ACTR8: variants seen among roughly 807,000 people sequenced by gnomAD.
The protein encoded by ACTR8 is actin-related protein 8.
In ACTR8, 70 loss-of-function variants were observed where a neutral mutation model predicts 84.3. That is an observed-to-expected ratio of 0.83 (90% CI 0.68 to 1.01). ACTR8 has a LOEUF of 1.01. ACTR8 is among the 50% of genes least tolerant of loss of function. The pLI is 0.00. For missense variants in ACTR8, 672 were observed against 775.4 expected (o/e 0.87, Z 1.58); for synonymous variants, 268 against 275.2 (o/e 0.97, Z 0.26).
At chr3:53,860,704 A>G in the ACTR8 span, 1 of 152,236 alleles carries the variant, frequency 6.6e-6, no homozygotes, top group African/African-American at 2.4e-5. Context: ...AATTTTTTGG[A>G]GATTTGTATC....
chr3:53,860,710 G>C, the ACTR8 span: 1 of 151,962 alleles, frequency 6.6e-6, no homozygotes, highest in Non-Finnish European at 1.5e-5. Context: ...TTGGAGATTT[G>C]TATCACTTTG....
downstream of ACTR8, among the ~76,000 whole-genome samples, chr3:53,866,321 G>C (rs1699776552): frequency 6.6e-6 from 1 of 152,132 alleles, no homozygotes; most frequent in Non-Finnish European, 1.5e-5. Flanking sequence ...GAGGTCAAGG[G>C]TGCAGTAAAC....
intron 1 of ACTR8, chr3:53,881,687 G>A (rs1002874534): frequency 2.0e-6 from 1 of 511,334 alleles, no homozygotes; most frequent in Non-Finnish European, 3.5e-6. Context: ...TATGGTCGGG[G>A]AAGCTGAGGC....
chr3:53,876,229 A>G, intron 6 of ACTR8, 149 bp from the exon 7 acceptor site: 1 of 1,063,020 alleles, frequency 9.4e-7, no homozygotes. Context: ...CATTTAAATA[A>G]GTCAGTAGGC....
chr3:53,876,600 C>A lies in ACTR8; in HGVS notation c.778+20G>T. 7.4e-7 allele frequency: 1 copy of A among 1,345,622 alleles called. No individual in the cohort carries two copies. The highest frequency in any genetic ancestry group is 1.2e-5 in the South Asian group (1 of 80,690). 83.4% of individuals were successfully genotyped at this position (1,345,622 alleles called of 1,614,324 possible). A position where few individuals can be genotyped will look rare whatever the true frequency, so the allele number is the denominator to read the frequency against. On this transcript the variant is annotated intron_variant, in intron 6 of 12. Transcript: ENST00000335754. The stretch of plus-strand genomic sequence containing the variant: ...AGAAAATTCCATTTAAAATAGGTTT[C>A]ACTGGGATATCAGACATACCTGAAA...
At chr3:53,860,369 C>G in the ACTR8 span, 1 of 566,374 alleles carries the variant, frequency 1.8e-6, no homozygotes, top group Non-Finnish European at 3.1e-6. Context: ...TTCAAGTGCT[C>G]CTACAGAGAC....
At chr3:53,872,286 G>T in intron 10 of ACTR8, 98 bp downstream of exon 10, 1 of 1,281,136 alleles carries the variant, frequency 7.8e-7, no homozygotes, top group Non-Finnish European at 1.0e-6. Flanking sequence ...GTGTTATTAT[G>T]CTGGAAGATA....
intron 1 of ACTR8, 52 bp from the exon 2 acceptor site, chr3:53,880,161 A>C (rs775410702): frequency 1.3e-6 from 2 of 1,544,408 alleles, no homozygotes; most frequent in Admixed American, 3.4e-5. Context: ...TGCAGGTAAC[A>C]AAGTTAAACA....
downstream of ACTR8, among the ~76,000 whole-genome samples, chr3:53,863,296 A>G (rs976191062): frequency 2.6e-5 from 4 of 151,896 alleles, no homozygotes; most frequent in Admixed American, 2.0e-4. Context: ...TGTGTTGTTC[A>G]AGGGTCAGCT....
chr3:53,863,343 A>T (rs932208968), downstream of ACTR8, among the ~76,000 whole-genome samples: 1 of 152,200 alleles, frequency 6.6e-6, no homozygotes, highest in African/African-American at 2.4e-5. Context: ...CAAAACATGG[A>T]GTATTTGAAT....
At chr3:53,872,618 A>G in intron 9 of ACTR8, 94 bp from the exon 10 acceptor site, 1 of 1,398,250 alleles carries the variant, frequency 7.2e-7, no homozygotes, top group Non-Finnish European at 9.6e-7. Flanking sequence ...CAAAACTGGC[A>G]GATCAGATTC....
At chr3:53,869,891 C>T in intron 12 of ACTR8, 91 bp downstream of exon 12, 1 of 1,485,114 alleles carries the variant, frequency 6.7e-7, no homozygotes. Context: ...ACTCCTCAGA[C>T]ACAAGCCCAT....
chr3:53,862,384 T>G (rs1699594607), downstream of ACTR8, among the ~76,000 whole-genome samples: 2 of 152,198 alleles, frequency 1.3e-5, no homozygotes, highest in Non-Finnish European at 2.9e-5. Flanking sequence ...ATTACATCAC[T>G]GAAGATGCCA....
In ACTR8 at chr3:53,876,708, A is replaced by AT; in HGVS notation, c.689dup (p.Tyr230Ter). 1 of 1,464,880 alleles carries AT rather than the reference A, an allele frequency of 6.8e-7. No individual in the cohort carries two copies. The highest frequency in any genetic ancestry group is 9.4e-7 in the Non-Finnish European group (1 of 1,062,308). 90.7% of individuals were successfully genotyped at this position (1,464,880 alleles called of 1,614,324 possible). A position where few individuals can be genotyped will look rare whatever the true frequency, so the allele number is the denominator to read the frequency against. ...LEIPLKDLKY[Y>*]RCILLIPDIY... ...TATCAGGAATTAACAAGATACATCT[A>AT]TAATACTAAAAAGAAGAACAAAGAT... Residue 230 changes from tyrosine (Y) to a stop codon, truncating the protein, a stop_gained and frameshift_variant, in exon 6 of 13, where the codon TAT becomes TAAT. Coordinates refer to ENST00000335754, the MANE Select transcript of ACTR8 (RefSeq NM_022899.5). LOFTEE classifies it high-confidence loss of function.
chr3:53,872,345 GACAAAACTCTCTCTTCTCCT>G lies in ACTR8; in HGVS notation c.1302+19_1302+38del. The stretch of plus-strand genomic sequence containing the variant: ...ACTCTGGACAAATTTCTCCTTCAGG[GACAAAACTCTCTCTTCTCCT>G]ACCAGAATTGCTACGGACCTGTTCT... On this transcript the variant is annotated intron_variant, in intron 10 of 12. Coordinates refer to ENST00000335754, the MANE Select transcript of ACTR8 (RefSeq NM_022899.5). 1 of 1,520,254 alleles carries G rather than the reference GACAAAACTCTCTCTTCTCCT, an allele frequency of 6.6e-7. No homozygotes were observed. Among genetic ancestry groups the G allele is most frequent in the Non-Finnish European group, 8.8e-7 (1 of 1,134,814 alleles). 94.2% of individuals were successfully genotyped at this position (1,520,254 alleles called of 1,614,324 possible).
At chr3:53,876,548 A>C in intron 6 of ACTR8, 72 bp downstream of exon 6, 1 of 870,380 alleles carries the variant, frequency 1.1e-6, no homozygotes, top group Admixed American at 2.4e-5. Context: ...TAAGTCAGTA[A>C]ATAAGATTAA....
At chr3:53,866,609 G>T (rs1699788504), downstream of ACTR8, among the ~76,000 whole-genome samples, 1 of 151,706 alleles carries the variant, frequency 6.6e-6, no homozygotes, top group Admixed American at 6.6e-5. Context: ...AGCCTCCTGA[G>T]TAGCTGGGAC....
intron 3 of ACTR8, 74 bp downstream of exon 3, chr3:53,878,283 T>C (rs1334700029): frequency 9.9e-6 from 11 of 1,116,120 alleles, no homozygotes; most frequent in African/African-American, 3.1e-5. Flanking sequence ...CATAGTGGTA[T>C]AGGAAGAACA....
chr3:53,879,888 C>A, intron 2 of ACTR8, 51 bp downstream of exon 2: 1 of 1,509,554 alleles, frequency 6.6e-7, no homozygotes, highest in Non-Finnish European at 9.0e-7. Flanking sequence ...GTGTCTAAGC[C>A]CTCCCAGGGA....
Sources: gnomAD v4.1 joint callset for allele counts (sites outside exome capture counted in the v4.1 genomes callset) on GRCh38, gnomAD v4.1.1 for gene constraint, MANE v1.5 for transcripts, NCBI Gene and HGNC (gene_info 2026-07-23, HGNC 2026-07-21) for gene names.